The following VPS53 variants were observed in gnomAD, a reference collection of about 807,000 sequenced individuals.
VPS53 encodes the protein VPS53 subunit of GARP complex, also known as vacuolar protein sorting-associated protein 53 homolog.
VPS53 carries 70 observed loss-of-function variants against 107.0 expected under a neutral mutation model. That is an observed-to-expected ratio of 0.65 (90% CI 0.54 to 0.80). The LOEUF (loss-of-function observed/expected upper bound fraction) is 0.80. Ranked by LOEUF, VPS53 falls within the 30% of genes least tolerant of loss-of-function variation. The pLI is 0.00. For synonymous variants in VPS53, 409 were observed against 393.3 expected (o/e 1.04, Z -0.47); for missense variants, 917 against 1,049.4 (o/e 0.87, Z 1.74).
intron 7 of VPS53, among the ~76,000 whole-genome samples, chr17:652,595 A>G (rs1318800679): frequency 6.6e-6 from 1 of 152,224 alleles, no homozygotes; most frequent in Non-Finnish European, 1.5e-5. Context: ...GCTGACAGCA[A>G]GCACCAAGGA....
intron 11 of VPS53, among the ~76,000 whole-genome samples, chr17:609,603 C>T (rs559459177): frequency 6.6e-6 from 1 of 152,250 alleles, no homozygotes; most frequent in Non-Finnish European, 1.5e-5. Context: ...CTGTGAGATG[C>T]ACTGAAACAA....
intron 19 of VPS53, among the ~76,000 whole-genome samples, chr17:525,257 C>G (rs1909041792): frequency 6.6e-6 from 1 of 152,078 alleles, no homozygotes; most frequent in Non-Finnish European, 1.5e-5. Context: ...AATATATACA[C>G]ATATATCAAA....
At chr17:602,705 A>T (rs1326288081) in intron 11 of VPS53, among the ~76,000 whole-genome samples, 1 of 152,228 alleles carries the variant, frequency 6.6e-6, no homozygotes, top group Non-Finnish European at 1.5e-5. Flanking sequence ...TCACAGGACT[A>T]TCTGGAGGAT....
chr17:509,360 C>T lies in VPS53; in HGVS notation c.*9768G>A. On this transcript the variant is annotated 3_prime_UTR_variant, in exon 22 of 22. Coordinates refer to ENST00000437048, the MANE Select transcript of VPS53 (RefSeq NM_001128159.3). Reference sequence around the variant, plus strand: ...CCCCTCACTAGTCACATATTGAATCCTGGCTCACCCCTCACTAGTCACATG... The same window carrying T: ...CCCCTCACTAGTCACATATTGAATCTTGGCTCACCCCTCACTAGTCACATG... 1 of 161,352 alleles carries T rather than the reference C, an allele frequency of 6.2e-6. No homozygotes were observed. The highest frequency in any genetic ancestry group is 1.4e-5 in the Non-Finnish European group (1 of 73,960). The allele number at this position is 161,352 out of a possible 1,614,324, so 10.0% of individuals were successfully genotyped here. A position where few individuals can be genotyped will look rare whatever the true frequency, so the allele number is the denominator to read the frequency against.
chr17:533,010 T>C, intron 18 of VPS53, 99 bp from the exon 19 acceptor site: 2 of 1,502,462 alleles, frequency 1.3e-6, no homozygotes, highest in Middle Eastern at 1.8e-4. Context: ...AAAAACCTTT[T>C]TTAATGAAGA....
intron 2 of VPS53, among the ~76,000 whole-genome samples, chr17:703,484 G>A (rs1244256645): frequency 3.3e-5 from 5 of 152,210 alleles, no homozygotes. Context: ...CCTCACCAGG[G>A]TCGAGGGCCT....
At chr17:615,501 G>C (rs899482528) in intron 11 of VPS53, among the ~76,000 whole-genome samples, 1 of 152,156 alleles carries the variant, frequency 6.6e-6, no homozygotes, top group African/African-American at 2.4e-5. Context: ...AGTGAAGGCG[G>C]CAGTGGGGGT....
chr17:577,277 G>A (rs1384068108), intron 13 of VPS53, among the ~76,000 whole-genome samples: 2 of 148,810 alleles, frequency 1.3e-5, no homozygotes, highest in Non-Finnish European at 3.0e-5. Flanking sequence ...AGTTCCCAGA[G>A]AACCTCCCTC....
intron 12 of VPS53, among the ~76,000 whole-genome samples, chr17:588,324 A>G (rs1466715126): frequency 6.6e-6 from 1 of 152,028 alleles, no homozygotes; most frequent in African/African-American, 2.4e-5. Flanking sequence ...TTCAAAAACA[A>G]ACAAACAAAC....
chr17:578,623 C>T (rs897595349), intron 13 of VPS53, among the ~76,000 whole-genome samples: 5 of 146,350 alleles, frequency 3.4e-5, no homozygotes, highest in East Asian at 4.2e-4. Flanking sequence ...AACCTCAGTG[C>T]GTTTCCAGAG....
At chr17:608,378 C>T (rs1344731739) in intron 11 of VPS53, among the ~76,000 whole-genome samples, 2 of 152,088 alleles carry the variant, frequency 1.3e-5, no homozygotes, top group African/African-American at 4.8e-5. Flanking sequence ...CAATAAAATC[C>T]TCTTCAGAAA....
chr17:554,981 T>G (rs1260942149), intron 15 of VPS53, among the ~76,000 whole-genome samples: 1 of 152,200 alleles, frequency 6.6e-6, no homozygotes, highest in Non-Finnish European at 1.5e-5. Flanking sequence ...TGTAACAGAA[T>G]AAGAGAGTTA....
chr17:629,809 C>A (rs202155536), intron 8 of VPS53, among the ~76,000 whole-genome samples: 10,263 of 141,660 alleles, frequency 0.072, 1,490 homozygotes, highest in Non-Finnish European at 0.099. Context: ...AAAAAAAAAA[C>A]CACACACACA....
chr17:535,666 T>G (rs910792876), intron 18 of VPS53, among the ~76,000 whole-genome samples: 1 of 152,166 alleles, frequency 6.6e-6, no homozygotes, highest in East Asian at 1.9e-4. Flanking sequence ...CCAGCAGTTA[T>G]GGGGAGCGTC....
chr17:696,179 G>A (rs987510389), intron 4 of VPS53, among the ~76,000 whole-genome samples: 2 of 152,130 alleles, frequency 1.3e-5, no homozygotes, highest in Non-Finnish European at 2.9e-5. Flanking sequence ...CTCACAAACA[G>A]GCCAAAGGAA....
intron 13 of VPS53, among the ~76,000 whole-genome samples, 166 bp downstream of exon 13, chr17:586,104 A>T (rs1045768788): frequency 6.6e-6 from 1 of 152,174 alleles, no homozygotes; most frequent in African/African-American, 2.4e-5. Context: ...ACAATTAATG[A>T]TAACATTCAA....
intron 13 of VPS53, among the ~76,000 whole-genome samples, chr17:581,684 GGAAAACCTTCCTCA>G (rs1489329229): frequency 6.8e-6 from 1 of 147,138 alleles, no homozygotes; most frequent in Admixed American, 6.8e-5. Flanking sequence ...ATGCATCCCC[GGAAAACCTTCCTCA>G]GAACCTAATG....
At chr17:710,491 C>T (rs1196028189) in intron 2 of VPS53, 42 bp downstream of exon 2, 2 of 1,520,340 alleles carry the variant, frequency 1.3e-6, no homozygotes, top group Non-Finnish European at 1.8e-6. Context: ...CCAAGATGTG[C>T]CAAAAGCTGC....
intron 17 of VPS53, chr17:537,604 G>A (rs891123790): frequency 1.9e-5 from 3 of 156,070 alleles, no homozygotes; most frequent in African/African-American, 7.2e-5. Context: ...GCAACCTGGA[G>A]GGGAATTCAC....
Sources: allele counts gnomAD v4.1 joint callset (sites outside exome capture counted in the v4.1 genomes callset), GRCh38; gene constraint gnomAD v4.1.1; transcripts MANE v1.5; gene names NCBI Gene and HGNC (gene_info 2026-07-23, HGNC 2026-07-21).